The following ENTREP2 variants were observed in gnomAD, a reference collection of about 807,000 sequenced individuals.
The protein encoded by ENTREP2 is endosomal transmembrane epsin interactor 2.
At chr15:29,519,572 T>C in the ENTREP2 span, among the ~76,000 whole-genome samples, 5 of 152,226 alleles carry the variant, frequency 3.3e-5, no homozygotes, top group Non-Finnish European at 7.3e-5. Context: ...GCTTACTTTA[T>C]TGCAAAAATA....
the ENTREP2 span, among the ~76,000 whole-genome samples, chr15:29,370,929 A>C: frequency 2.0e-5 from 3 of 152,212 alleles, no homozygotes; most frequent in African/African-American, 7.2e-5. Flanking sequence ...ATTTAAAAAA[A>C]AAACTATCCC....
the ENTREP2 span, among the ~76,000 whole-genome samples, chr15:29,521,153 A>G: frequency 2.0e-5 from 3 of 152,198 alleles, no homozygotes; most frequent in East Asian, 5.8e-4. Flanking sequence ...CCCACAATGC[A>G]GAAGACAGCC....
the ENTREP2 span, among the ~76,000 whole-genome samples, chr15:29,335,375 A>T: frequency 6.6e-6 from 1 of 152,226 alleles, no homozygotes; most frequent in Non-Finnish European, 1.5e-5. Flanking sequence ...GCCAAACCAC[A>T]TCATACTCTG....
chr15:29,641,046 C>A, the ENTREP2 span, among the ~76,000 whole-genome samples: 1 of 152,212 alleles, frequency 6.6e-6, no homozygotes, highest in African/African-American at 2.4e-5. Flanking sequence ...TTTTAATACA[C>A]CATGCCTTTA....
the ENTREP2 span, among the ~76,000 whole-genome samples, chr15:29,540,780 T>A: frequency 6.6e-6 from 1 of 152,204 alleles, no homozygotes; most frequent in Admixed American, 6.5e-5. Context: ...CCCTAAACAG[T>A]GTGATCTGCA....
chr15:29,590,683 CAAAAA>C, the ENTREP2 span, among the ~76,000 whole-genome samples: 7 of 75,334 alleles, frequency 9.3e-5, no homozygotes, highest in East Asian at 1.8e-3. Flanking sequence ...GACTCCGTCT[CAAAAA>C]AAAAAAAAAA....
the ENTREP2 span, chr15:29,137,010 TG>T: frequency 1.4e-6 from 2 of 1,411,508 alleles, no homozygotes; most frequent in Non-Finnish European, 1.8e-6. Context: ...GGTTTCGAGA[TG>T]GGGGCAGCCG....
chr15:29,594,933 T>C, the ENTREP2 span, among the ~76,000 whole-genome samples: 1 of 151,724 alleles, frequency 6.6e-6, no homozygotes. Context: ...CCGGGCGTGG[T>C]GGCAGGCACG....
At chr15:29,402,861 A>C in the ENTREP2 span, among the ~76,000 whole-genome samples, 1 of 152,214 alleles carries the variant, frequency 6.6e-6, no homozygotes, top group African/African-American at 2.4e-5. Context: ...TTAAAACCCA[A>C]GCCAGCGACA....
chr15:29,162,588 C>G, the ENTREP2 span, among the ~76,000 whole-genome samples: 1 of 152,080 alleles, frequency 6.6e-6, no homozygotes, highest in Admixed American at 6.5e-5. Context: ...CAGCCATAAT[C>G]CTCCTAGGTA....
At chr15:29,564,908 G>A in the ENTREP2 span, among the ~76,000 whole-genome samples, 1 of 152,106 alleles carries the variant, frequency 6.6e-6, no homozygotes, top group Non-Finnish European at 1.5e-5. Context: ...CTTCCAGGAA[G>A]AGTTCAGGGG....
At chr15:29,121,692 A>G in the ENTREP2 span, 80 of 152,368 alleles carry the variant, frequency 5.3e-4, no homozygotes, top group African/African-American at 1.8e-3. Flanking sequence ...CATCTCTAGT[A>G]CGTCTCTCCT....
chr15:29,404,362 C>G, the ENTREP2 span, among the ~76,000 whole-genome samples: 1 of 151,846 alleles, frequency 6.6e-6, no homozygotes, highest in Non-Finnish European at 1.5e-5. Flanking sequence ...CTAAGTGGTC[C>G]CAGCACCCTT....
At chr15:29,120,704 C>A in the ENTREP2 span, 1 of 152,348 alleles carries the variant, frequency 6.6e-6, no homozygotes, top group Non-Finnish European at 1.5e-5. Context: ...GAGCGTGTCA[C>A]CCCCAAAGCA....
chr15:29,391,145 C>A, the ENTREP2 span, among the ~76,000 whole-genome samples: 1 of 151,932 alleles, frequency 6.6e-6, no homozygotes, highest in South Asian at 2.1e-4. Flanking sequence ...ACAGAAGGCT[C>A]ACGAGGCATG....
the ENTREP2 span, among the ~76,000 whole-genome samples, chr15:29,575,644 TAAAC>T: frequency 6.6e-6 from 1 of 152,174 alleles, no homozygotes; most frequent in Non-Finnish European, 1.5e-5. Context: ...CTAGAACTAA[TAAAC>T]AAATTCAGCA....
the ENTREP2 span, among the ~76,000 whole-genome samples, chr15:29,210,957 G>A: frequency 6.6e-6 from 1 of 152,208 alleles, no homozygotes; most frequent in African/African-American, 2.4e-5. Context: ...AGACACCTGT[G>A]CTTCAAATGC....
At chr15:29,544,831 T>A in the ENTREP2 span, among the ~76,000 whole-genome samples, 4 of 152,144 alleles carry the variant, frequency 2.6e-5, no homozygotes, top group African/African-American at 9.7e-5. Flanking sequence ...ATATGCTATC[T>A]GCCAAGCAAA....
At chr15:29,246,709 A>C in the ENTREP2 span, among the ~76,000 whole-genome samples, 1 of 152,152 alleles carries the variant, frequency 6.6e-6, no homozygotes, top group South Asian at 2.1e-4. Flanking sequence ...ATCTCAAAAA[A>C]AAAAAATTAT....
Sources: gnomAD v4.1 joint callset for allele counts (sites outside exome capture counted in the v4.1 genomes callset) on GRCh38, gnomAD v4.1.1 for gene constraint, MANE v1.5 for transcripts, NCBI Gene and HGNC (gene_info 2026-07-23, HGNC 2026-07-21) for gene names.